Variants in NRG1 observed in about 807,000 individuals in gnomAD.
NRG1 encodes neuregulin 1, also known as pro-neuregulin-1, membrane-bound isoform.
A neutral mutation model predicts 63.8 loss-of-function variants in NRG1; 18 were observed. That is an observed-to-expected ratio of 0.28 (90% CI 0.19 to 0.42). The LOEUF (loss-of-function observed/expected upper bound fraction) is 0.42. Ranked by LOEUF, NRG1 falls within the 10% of genes least tolerant of loss-of-function variation. The probability of loss-of-function intolerance (pLI) is 1.00; values close to 1 mark genes in which losing one functional copy is unlikely to be tolerated. For missense variants in NRG1, 762 were observed against 814.7 expected (o/e 0.94, Z 0.79); for synonymous variants, 302 against 301.3 (o/e 1.00, Z -0.02).
At chr8:32,236,763 G>A (rs959117807) in intron 1 of NRG1, among the ~76,000 whole-genome samples, 10 of 152,198 alleles carry the variant, frequency 6.6e-5, no homozygotes, top group African/African-American at 2.4e-4. Context: ...GGAAATGCAG[G>A]AGAAATGTGG....
chr8:31,786,522 C>A lies in NRG1; in HGVS notation c.37+147091C>A, dbSNP rs1190250292. ...AGATCCCTCAGCTTGAGAGCTCAGTCCCTAAGACTGTTTCCTCCCCTCACT... is the reference window on the plus strand; with the variant it reads ...AGATCCCTCAGCTTGAGAGCTCAGTACCTAAGACTGTTTCCTCCCCTCACT... On this transcript the variant is annotated intron_variant, in intron 1 of 10. Transcript: ENST00000519301. 2.6e-5 allele frequency among the ~76,000 whole-genome samples: 4 copies of A among 152,156 alleles called. No individual in the cohort carries two copies. The East Asian group carries it at 7.7e-4, about 29-fold the overall frequency.
intron 5 of NRG1, among the ~76,000 whole-genome samples, chr8:32,625,796 T>TTTTTTTTTTTTTC (rs1563796474): frequency 1.3e-4 from 18 of 140,164 alleles, no homozygotes; most frequent in African/African-American, 4.2e-4. Context: ...TTCTTTTTTC[T>TTTTTTTTTTTTTC]TTTTTTTTTT....
intron 1 of NRG1, among the ~76,000 whole-genome samples, chr8:32,498,481 GC>G (rs1308979200): frequency 6.6e-6 from 1 of 152,114 alleles, no homozygotes; most frequent in African/African-American, 2.4e-5. Context: ...GAAGTGCTGA[GC>G]AAAAAGGGGA....
At position 32,148,267 on chromosome 8, in the gene NRG1, T is replaced by A. The variant is rs1837117926; in HGVS notation, c.38-447561T>A. 2.0e-5 allele frequency among the ~76,000 whole-genome samples: 3 copies of A among 152,264 alleles called. No homozygotes were observed. In the South Asian group the frequency reaches 6.2e-4, roughly 32 times the overall value. ...ACAGCCAGTAGAGCTGAGGCAGGAT[T>A]TGACCCCACACAATCAGGCCCTAGG... On this transcript the variant is annotated intron_variant, in intron 1 of 10. Coordinates refer to the NRG1 transcript ENST00000519301.
At chr8:32,118,652 T>C (rs1035254934) in intron 1 of NRG1, among the ~76,000 whole-genome samples, 1 of 152,124 alleles carries the variant, frequency 6.6e-6, no homozygotes, top group African/African-American at 2.4e-5. Flanking sequence ...AATAGCGAGG[T>C]ATTTATTTTG....
At chr8:32,524,817 C>G (rs1158114657) in intron 1 of NRG1, among the ~76,000 whole-genome samples, 1 of 152,174 alleles carries the variant, frequency 6.6e-6, no homozygotes, top group Non-Finnish European at 1.5e-5. Flanking sequence ...TATCTGCAAG[C>G]TTATCATCAT....
At position 32,631,227 on chromosome 8, in the gene NRG1, A is replaced by G. The variant is rs144085460; in HGVS notation, c.502+14342A>G. On this transcript the variant is annotated intron_variant, in intron 5 of 11. Coordinates refer to ENST00000356819, the Ensembl canonical transcript of NRG1. ...AAATACTCAAGAAAGATAAGACACAAAGGATTAATTGGGATTACAACTCTT... is the reference window on the plus strand; with the variant it reads ...AAATACTCAAGAAAGATAAGACACAGAGGATTAATTGGGATTACAACTCTT... Among the ~76,000 whole-genome samples, 532 of 152,330 alleles carry G rather than the reference A, an allele frequency of 3.5e-3. 1 individual carries two copies. The highest frequency in any genetic ancestry group is 0.012 in the African/African-American group (489 of 41,574).
At chr8:32,328,511 T>C (rs1802277735) in intron 1 of NRG1, among the ~76,000 whole-genome samples, 1 of 151,984 alleles carries the variant, frequency 6.6e-6, no homozygotes, top group Non-Finnish European at 1.5e-5. Flanking sequence ...CAAATATCCA[T>C]GTGGCATCAA....
upstream of NRG1, among the ~76,000 whole-genome samples, chr8:32,547,241 C>G (rs1833165563): frequency 6.6e-6 from 1 of 152,118 alleles, no homozygotes; most frequent in Admixed American, 6.5e-5. Context: ...CTTCTTATTT[C>G]CTTGCTCTTT....
At chr8:31,980,082 G>T (rs1808830321) in intron 1 of NRG1, among the ~76,000 whole-genome samples, 1 of 152,050 alleles carries the variant, frequency 6.6e-6, no homozygotes, top group Non-Finnish European at 1.5e-5. Context: ...GATTTACTGA[G>T]AAGTAACTCA....
intron 1 of NRG1, among the ~76,000 whole-genome samples, chr8:31,970,915 GC>G (rs1563632774): frequency 6.6e-6 from 1 of 152,008 alleles, no homozygotes; most frequent in Non-Finnish European, 1.5e-5. Context: ...GCGGTGGCGG[GC>G]GCCTGTAGTC....
intron 1 of NRG1, among the ~76,000 whole-genome samples, chr8:32,504,061 C>T (rs1034300414): frequency 2.0e-5 from 3 of 152,146 alleles, no homozygotes; most frequent in Non-Finnish European, 2.9e-5. Flanking sequence ...ATCCAGTGTT[C>T]CTAGAGGAAG....
rs184577115 is a variant in NRG1 at position 31,942,352 on chromosome 8, G to A, written c.37+302921G>A. ...AAGCCACATGTAGAGGAATGAAACT[G>A]GATCTTCATCTCTTATCCTATGCAA... On this transcript the variant is annotated intron_variant, in intron 1 of 10. Coordinates refer to the NRG1 transcript ENST00000519301. 1.6e-3 allele frequency among the ~76,000 whole-genome samples: 250 copies of A among 152,162 alleles called. 1 individual carries two copies. The highest frequency in any genetic ancestry group is 6.4e-3 in the South Asian group (31 of 4,810).
At position 32,372,052 on chromosome 8, in the gene NRG1, G is replaced by C. The variant is rs117714732; in HGVS notation, c.38-223776G>C. On this transcript the variant is annotated intron_variant, in intron 1 of 10. Transcript: ENST00000519301. ...CACCCAGGCTGGAGTGCAATTGTGCGATCATGACTGACTGTGGTGTCAACC... is the reference window on the plus strand; with the variant it reads ...CACCCAGGCTGGAGTGCAATTGTGCCATCATGACTGACTGTGGTGTCAACC... Among the ~76,000 whole-genome samples the C allele has an allele frequency of 8.0e-5, 11 of 137,260 alleles. No homozygotes were observed. In the South Asian group the frequency reaches 2.1e-3, roughly 26 times the overall value. The allele number at this position is 137,260 out of a possible 152,430, so 90.0% of individuals were successfully genotyped here. A position where few individuals can be genotyped will look rare whatever the true frequency, so the allele number is the denominator to read the frequency against.
chr8:32,235,803 C>CA (rs1381456383), intron 1 of NRG1, among the ~76,000 whole-genome samples: 1 of 151,946 alleles, frequency 6.6e-6, no homozygotes, highest in Non-Finnish European at 1.5e-5. Flanking sequence ...TCAGGGCTAA[C>CA]AAAAAAATCT....
At chr8:32,669,726 A>G (rs544470498) in intron 5 of NRG1, among the ~76,000 whole-genome samples, 3 of 152,304 alleles carry the variant, frequency 2.0e-5, no homozygotes, top group African/African-American at 7.2e-5. Flanking sequence ...GGTCTTATTT[A>G]GTTGGGGCTT....
chr8:32,488,979 G>T (rs1298610829), intron 1 of NRG1, among the ~76,000 whole-genome samples: 1 of 152,204 alleles, frequency 6.6e-6, no homozygotes, highest in African/African-American at 2.4e-5. Flanking sequence ...TTTAGAGAGG[G>T]AGTGAAAGTT....
chr8:32,442,935 T>C (rs1490404369), intron 1 of NRG1, among the ~76,000 whole-genome samples: 1 of 101,068 alleles, frequency 9.9e-6, no homozygotes, highest in Non-Finnish European at 2.2e-5. Context: ...AAGTATGTCT[T>C]TTTTTTTTTT....
intron 1 of NRG1, among the ~76,000 whole-genome samples, chr8:31,934,413 T>TTG (rs1585879188): frequency 1.1e-5 from 1 of 89,232 alleles, no homozygotes; most frequent in Non-Finnish European, 2.5e-5. Flanking sequence ...ACCCCTTTAT[T>TTG]CGCTCTCTTT....
Sources: gnomAD v4.1 joint callset for allele counts (sites outside exome capture counted in the v4.1 genomes callset) on GRCh38, gnomAD v4.1.1 for gene constraint, MANE v1.5 for transcripts, NCBI Gene and HGNC (gene_info 2026-07-23, HGNC 2026-07-21) for gene names.